Variants in ZNF654 observed in about 807,000 individuals in gnomAD.
ZNF654 encodes the protein melanoma-associated antigen.
A neutral mutation model predicts 95.3 loss-of-function variants in ZNF654; 19 were observed. The observed-to-expected ratio is 0.20, with a 90% CI of 0.14 to 0.29. The LOEUF (loss-of-function observed/expected upper bound fraction) is 0.29. Among genes scored for constraint, ZNF654 ranks in the 10% least tolerant of loss-of-function variants. The probability of loss-of-function intolerance (pLI) is 1.00; values close to 1 mark genes in which losing one functional copy is unlikely to be tolerated. For missense variants in ZNF654, 1,046 were observed against 1,341.0 expected, an observed-to-expected ratio of 0.78 and a Z score of 3.44; for synonymous variants, 413 against 457.9, an observed-to-expected ratio of 0.90 and a Z score of 1.25.
At position 88,139,363 on chromosome 3, in the gene ZNF654, CTCA is replaced by C; in HGVS notation, c.1698_1700del (p.His566del). ...GGTCACATTGTAAGGCATGCCCAGG[CTCA>C]TCAGAAAAAAGGCAGTTTTGCATGT... On this transcript the variant is annotated inframe_deletion, in exon 8 of 9. Transcript: ENST00000636215. The C allele has an allele frequency of 6.2e-7, 1 of 1,613,100 alleles. No homozygotes were observed. Among genetic ancestry groups the C allele is most frequent in the Non-Finnish European group, 8.5e-7 (1 of 1,179,532 alleles).
At chr3:88,131,103 G>A (rs948625812) in intron 6 of ZNF654, among the ~76,000 whole-genome samples, 13 of 152,112 alleles carry the variant, frequency 8.5e-5, no homozygotes, top group African/African-American at 3.1e-4. Flanking sequence ...GCACATCTGG[G>A]CTATATGATG....
intron 2 of ZNF654, among the ~76,000 whole-genome samples, chr3:88,096,392 T>A (rs934286583): frequency 6.6e-6 from 1 of 152,060 alleles, no homozygotes; most frequent in Admixed American, 6.6e-5. Context: ...TGAAGAGATA[T>A]AACTACTGCT....
At chr3:88,129,628 G>A (rs1706328948) in intron 5 of ZNF654, 59 bp from the exon 6 acceptor site, 1 of 1,249,326 alleles carries the variant, frequency 8.0e-7, no homozygotes, top group Non-Finnish European at 1.0e-6. Context: ...AACATTTATT[G>A]CAACTAGCTT....
chr3:88,116,409 A>G (rs1323036208), intron 3 of ZNF654, among the ~76,000 whole-genome samples: 1 of 151,130 alleles, frequency 6.6e-6, no homozygotes, highest in Non-Finnish European at 1.5e-5. Context: ...AATCCCAGCT[A>G]CTTGGGAGGC....
Position 88,060,344 on chromosome 3 carries a change from T to C in ZNF654, c.186+839T>C, listed in dbSNP as rs1706796122. On this transcript the variant is annotated intron_variant, in intron 1 of 8. Transcript: ENST00000636215. The stretch of plus-strand genomic sequence containing the variant: ...GGGGTTTGATGTTGTTCAAAGTGTT[T>C]GTAATCAAATATAACAAATATACCC... Among the ~76,000 whole-genome samples the C allele has an allele frequency of 1.3e-5, 2 of 152,218 alleles. 1 individual carries two copies. The highest frequency in any genetic ancestry group is 1.3e-4 in the Admixed American group (2 of 15,284).
chr3:88,125,673 A>G (rs1007968389), intron 3 of ZNF654, among the ~76,000 whole-genome samples: 6 of 152,188 alleles, frequency 3.9e-5, no homozygotes, highest in African/African-American at 9.7e-5. Context: ...GGATCAGGAC[A>G]GGAGACTTTT....
chr3:88,123,607 A>G (rs1705912552), intron 3 of ZNF654, among the ~76,000 whole-genome samples: 1 of 152,198 alleles, frequency 6.6e-6, no homozygotes. Flanking sequence ...TTTTTTAAAA[A>G]GAGCTCTAAG....
intron 2 of ZNF654, among the ~76,000 whole-genome samples, chr3:88,094,458 A>G (rs945948768): frequency 6.6e-5 from 10 of 152,270 alleles, no homozygotes; most frequent in African/African-American, 2.2e-4. Flanking sequence ...ATCAGGGGAA[A>G]AGAAATACCC....
chr3:88,126,543 C>T, intron 4 of ZNF654, among the ~76,000 whole-genome samples: 1 of 135,872 alleles, frequency 7.4e-6, no homozygotes, highest in Non-Finnish European at 1.6e-5. Flanking sequence ...TTTGTCACTT[C>T]AGTTATATTA....
At chr3:88,075,478 A>G (rs1423746725) in intron 1 of ZNF654, among the ~76,000 whole-genome samples, 3 of 152,204 alleles carry the variant, frequency 2.0e-5, no homozygotes, top group East Asian at 3.8e-4. Context: ...ACAGGTACCT[A>G]AAGTGGAACT....
intron 1 of ZNF654, among the ~76,000 whole-genome samples, chr3:88,065,042 ATAATTGCATTGATAAATT>A (rs1707115596): frequency 6.6e-6 from 1 of 152,258 alleles, no homozygotes; most frequent in East Asian, 1.9e-4. Context: ...AATTGCATCG[ATAATTGCATTGATAAATT>A]TAATTGCATT....
chr3:88,116,216 C>T (rs1705380511), intron 3 of ZNF654, among the ~76,000 whole-genome samples: 1 of 151,846 alleles, frequency 6.6e-6, no homozygotes, highest in South Asian at 2.1e-4. Context: ...ACTTTTATAC[C>T]CACATTAAAA....
intron 2 of ZNF654, among the ~76,000 whole-genome samples, chr3:88,098,485 G>T (rs1472003144): frequency 6.6e-6 from 1 of 152,146 alleles, no homozygotes; most frequent in Non-Finnish European, 1.5e-5. Flanking sequence ...TTTTTATGAG[G>T]CCAGCATCAT....
intron 2 of ZNF654, among the ~76,000 whole-genome samples, chr3:88,097,810 A>G (rs1447608782): frequency 6.6e-6 from 1 of 152,206 alleles, no homozygotes; most frequent in African/African-American, 2.4e-5. Context: ...ACATAACAGA[A>G]TATCTGCGAC....
chr3:88,107,258 C>T (rs951908816), intron 2 of ZNF654, among the ~76,000 whole-genome samples: 1 of 152,102 alleles, frequency 6.6e-6, no homozygotes. Flanking sequence ...TTATTGATGT[C>T]ATGTGTTTTT....
chr3:88,091,978 T>C (rs1378976583), intron 2 of ZNF654, among the ~76,000 whole-genome samples: 1 of 152,140 alleles, frequency 6.6e-6, no homozygotes, highest in African/African-American at 2.4e-5. Context: ...ATGTAAAAAA[T>C]AATGTGTTAA....
At position 88,144,314 on chromosome 3, in the gene ZNF654, GC is replaced by G. The variant is rs1707256814; in HGVS notation, c.*2664del. 1 of 152,282 alleles carries G rather than the reference GC, an allele frequency of 6.6e-6. No homozygotes were observed. Among genetic ancestry groups the G allele is most frequent in the African/African-American group, 2.4e-5 (1 of 41,398 alleles). 9.4% of individuals were successfully genotyped at this position (152,282 alleles called of 1,614,324 possible). ...CTTTTCAAATCACACTGAAGGTTCAGCCGTACTCCTTTCATGTTTGGTTTAA... is the reference window on the plus strand; with the variant it reads ...CTTTTCAAATCACACTGAAGGTTCAGCGTACTCCTTTCATGTTTGGTTTAA... On this transcript the variant is annotated 3_prime_UTR_variant, in exon 9 of 9. Coordinates refer to ENST00000636215, the MANE Select transcript of ZNF654 (RefSeq NM_001350134.2).
intron 4 of ZNF654, among the ~76,000 whole-genome samples, chr3:88,126,597 T>C (rs1229306304): frequency 6.7e-6 from 1 of 150,308 alleles, no homozygotes; most frequent in Non-Finnish European, 1.5e-5. Flanking sequence ...TTTTTTTTTT[T>C]TTTTTTTAAG....
intron 3 of ZNF654, among the ~76,000 whole-genome samples, chr3:88,118,115 A>G (rs778087478): frequency 2.0e-4 from 30 of 152,190 alleles, no homozygotes; most frequent in Non-Finnish European, 4.4e-5. Flanking sequence ...AAGCTCTGCA[A>G]GTGGTTTAAT....
Sources: gnomAD v4.1 joint callset for allele counts (sites outside exome capture counted in the v4.1 genomes callset) on GRCh38, gnomAD v4.1.1 for gene constraint, MANE v1.5 for transcripts, NCBI Gene and HGNC (gene_info 2026-07-23, HGNC 2026-07-21) for gene names.